The following RASGRP3 variants were observed in gnomAD, a reference collection of about 807,000 sequenced individuals.
The protein encoded by RASGRP3 is RAS guanyl releasing protein 3.
A neutral mutation model predicts 82.7 loss-of-function variants in RASGRP3; 54 were observed. That is an observed-to-expected ratio of 0.65 (90% CI 0.52 to 0.82). RASGRP3 has a LOEUF of 0.82. Ranked by LOEUF, RASGRP3 falls within the 40% of genes least tolerant of loss-of-function variation. The pLI, the probability that RASGRP3 is intolerant of heterozygous loss-of-function variation, is 0.00. For missense variants in RASGRP3, 861 were observed against 828.9 expected (o/e 1.04, Z -0.48); for synonymous variants, 309 against 300.5 (o/e 1.03, Z -0.29).
chr2:33,488,919 T>G (rs1157561342), intron 1 of RASGRP3, among the ~76,000 whole-genome samples: 1 of 152,214 alleles, frequency 6.6e-6, no homozygotes, highest in Non-Finnish European at 1.5e-5. Context: ...GAAACAGACA[T>G]TCTGATACTA....
At chr2:33,510,762 T>C (rs1670856680) in intron 1 of RASGRP3, among the ~76,000 whole-genome samples, 1 of 152,192 alleles carries the variant, frequency 6.6e-6, no homozygotes, top group Non-Finnish European at 1.5e-5. Flanking sequence ...CGCAGCATTA[T>C]GGAATTTTAC....
At chr2:33,521,323 T>C (rs1317731225) in intron 6 of RASGRP3, among the ~76,000 whole-genome samples, 2 of 152,234 alleles carry the variant, frequency 1.3e-5, no homozygotes, top group Non-Finnish European at 2.9e-5. Flanking sequence ...GAAGACTATT[T>C]GATGATCCTA....
intron 2 of RASGRP3, among the ~76,000 whole-genome samples, chr2:33,461,701 A>G (rs750763015): frequency 6.6e-6 from 1 of 152,242 alleles, no homozygotes; most frequent in Admixed American, 6.5e-5. Context: ...TTACTCTGCT[A>G]TGGATTCCCA....
chr2:33,481,866 G>C lies in RASGRP3; in HGVS notation c.-261+5159G>C, dbSNP rs182443958. ...CTACAGGCGTGCACCACCACACCCAGCTAATTTTTGTGTTTTTAGTAGAGA... is the reference window on the plus strand; with the variant it reads ...CTACAGGCGTGCACCACCACACCCACCTAATTTTTGTGTTTTTAGTAGAGA... On this transcript the variant is annotated intron_variant, in intron 1 of 17. Coordinates refer to ENST00000403687, the MANE Select transcript of RASGRP3 (RefSeq NM_001139488.2). The C allele has an allele frequency of 9.3e-3, 1,407 of 151,810 alleles. 12 individuals are homozygous for C. The highest frequency in any genetic ancestry group is 0.027 in the South Asian group (128 of 4,794). The allele number at this position is 151,810 out of a possible 1,614,324, so 9.4% of individuals were successfully genotyped here.
At position 33,562,754 on chromosome 2, in the gene RASGRP3, C is replaced by T. The variant is rs1432344253; in HGVS notation, c.*17C>T. On this transcript the variant is annotated 3_prime_UTR_variant, in exon 18 of 18. Coordinates refer to ENST00000403687, the MANE Select transcript of RASGRP3 (RefSeq NM_001139488.2). ...GATGGCTGACTTCAGGCTGCGGAAACTGAAGGCAATAATGTTGGCTTTTGG... is the reference window on the plus strand; with the variant it reads ...GATGGCTGACTTCAGGCTGCGGAAATTGAAGGCAATAATGTTGGCTTTTGG... The T allele has an allele frequency of 6.2e-7, 1 of 1,612,984 alleles. No individual in the cohort carries two copies. Among genetic ancestry groups the T allele is most frequent in the South Asian group, 1.1e-5 (1 of 91,034 alleles).
rs75166107 is a variant in RASGRP3, at chr2:33,457,585, A to G, written c.-261+9642A>G. ...GTTCCTTCCTTCCTTTTTTTTTGAT[A>G]TTACAAATGTCACGTCATTTTTATA... is the stretch of plus-strand genomic sequence containing the variant. On this transcript the variant is annotated intron_variant, in intron 2 of 18. Transcript: ENST00000402538. 9.3e-3 allele frequency among the ~76,000 whole-genome samples: 1,401 copies of G among 151,016 alleles called. 18 individuals are homozygous for G. The highest frequency in any genetic ancestry group is 0.058 in the Middle Eastern group (17 of 294).
At chr2:33,444,373 A>G (rs1018056772) in intron 1 of RASGRP3, among the ~76,000 whole-genome samples, 2 of 152,222 alleles carry the variant, frequency 1.3e-5, no homozygotes, top group African/African-American at 4.8e-5. Flanking sequence ...ACATGCACCC[A>G]ATATAAAAAA....
intron 11 of RASGRP3, among the ~76,000 whole-genome samples, chr2:33,538,451 C>T (rs1254848684): frequency 3.3e-5 from 5 of 151,538 alleles, no homozygotes; most frequent in Admixed American, 3.3e-4. Flanking sequence ...TTCAGTGAGC[C>T]GAGATCATGC....
At chr2:33,539,056 A>AATG (rs1357829990) in intron 11 of RASGRP3, 38 bp from the exon 12 acceptor site, 1 of 1,368,742 alleles carries the variant, frequency 7.3e-7, no homozygotes, top group Non-Finnish European at 1.0e-6. Flanking sequence ...TAATAATAAT[A>AATG]AAGTTGAAAA....
intron 1 of RASGRP3, among the ~76,000 whole-genome samples, chr2:33,442,425 T>C (rs1363466263): frequency 6.6e-6 from 1 of 152,232 alleles, no homozygotes; most frequent in African/African-American, 2.4e-5. Flanking sequence ...GTCTCCAGGA[T>C]AAATAAGCAT....
chr2:33,458,552 T>G (rs73926659), intron 2 of RASGRP3, among the ~76,000 whole-genome samples: 3,830 of 152,242 alleles, frequency 0.025, 140 homozygotes, highest in African/African-American at 0.088. Context: ...ATAGGTAAAA[T>G]TCCATACCAG....
intron 2 of RASGRP3, among the ~76,000 whole-genome samples, chr2:33,471,113 A>AATCAG (rs1667034949): frequency 6.6e-6 from 1 of 152,158 alleles, no homozygotes; most frequent in Admixed American, 6.6e-5. Context: ...TCATGTTAAG[A>AATCAG]ATCAGTCTTT....
chr2:33,545,917 G>A (rs929948086), intron 13 of RASGRP3, among the ~76,000 whole-genome samples: 3 of 151,986 alleles, frequency 2.0e-5, no homozygotes, highest in Non-Finnish European at 2.9e-5. Flanking sequence ...TGATTCTCAT[G>A]CCTGAGCCTC....
At chr2:33,555,985 C>CA (rs367861415) in intron 15 of RASGRP3, among the ~76,000 whole-genome samples, 11 of 152,192 alleles carry the variant, frequency 7.2e-5, no homozygotes, top group African/African-American at 2.4e-4. Context: ...TAGATGGTGA[C>CA]AAAAAACGAG....
At chr2:33,442,611 T>C (rs1237923142) in intron 1 of RASGRP3, among the ~76,000 whole-genome samples, 1 of 152,252 alleles carries the variant, frequency 6.6e-6, no homozygotes, top group Non-Finnish European at 1.5e-5. Context: ...CATAATCCAT[T>C]GTAATGGAAA....
rs1676899415 is a variant in RASGRP3 at position 33,563,331 on chromosome 2, A to C, written c.*594A>C. On this transcript the variant is annotated 3_prime_UTR_variant, in exon 18 of 18. Transcript: ENST00000403687. The stretch of plus-strand genomic sequence containing the variant: ...GCAGTGATTCTTCTAATGATGGTCA[A>C]CTGCAAGGAGAAACTGTTTACATCC... The C allele has an allele frequency of 6.5e-6, 1 of 152,740 alleles. No homozygotes were observed. The highest frequency in any genetic ancestry group is 1.5e-5 in the Non-Finnish European group (1 of 68,518). 9.5% of individuals were successfully genotyped at this position (152,740 alleles called of 1,614,324 possible). A position where few individuals can be genotyped will look rare whatever the true frequency, so the allele number is the denominator to read the frequency against.
intron 17 of RASGRP3, among the ~76,000 whole-genome samples, chr2:33,559,447 T>C (rs1195304843): frequency 6.6e-6 from 1 of 152,144 alleles, no homozygotes; most frequent in Non-Finnish European, 1.5e-5. Context: ...ATTGGAAACT[T>C]TTCATTCTGC....
At chr2:33,516,384 G>A (rs1201869735) in intron 3 of RASGRP3, among the ~76,000 whole-genome samples, 158 bp from the exon 4 acceptor site, 2 of 152,202 alleles carry the variant, frequency 1.3e-5, no homozygotes, top group Non-Finnish European at 2.9e-5. Flanking sequence ...TCCAGCCTGG[G>A]TGACAGAGCA....
chr2:33,547,194 G>A (rs1674863474), intron 13 of RASGRP3, among the ~76,000 whole-genome samples: 2 of 151,062 alleles, frequency 1.3e-5, no homozygotes, highest in Admixed American at 6.6e-5. Context: ...TTCTAAGTGA[G>A]AGCTAAATGA....
Sources: allele counts gnomAD v4.1 joint callset (sites outside exome capture counted in the v4.1 genomes callset), GRCh38; gene constraint gnomAD v4.1.1; transcripts MANE v1.5; gene names NCBI Gene and HGNC (gene_info 2026-07-23, HGNC 2026-07-21).